The following RHOBTB1 variants were observed in gnomAD, a reference collection of about 807,000 sequenced individuals.
The protein encoded by RHOBTB1 is Rho related BTB domain containing 1.
RHOBTB1 carries 40 observed loss-of-function variants against 71.6 expected under a neutral mutation model. The observed-to-expected ratio is 0.56, with a 90% confidence interval of 0.43 to 0.73. RHOBTB1 has a LOEUF of 0.73. Ranked by LOEUF, RHOBTB1 falls within the 30% of genes least tolerant of loss-of-function variation. The pLI is 0.00. For synonymous variants in RHOBTB1, 319 were observed against 334.9 expected (o/e 0.95, Z 0.52); for missense variants, 797 against 894.0 (o/e 0.89, Z 1.38).
chr10:60,916,138 C>T (rs1294533219), intron 2 of RHOBTB1, among the ~76,000 whole-genome samples: 2 of 152,130 alleles, frequency 1.3e-5, no homozygotes, highest in South Asian at 4.1e-4. Context: ...ACTGCTTCGC[C>T]CAAAAGAATG....
chr10:60,970,719 T>A (rs1031632871), intron 2 of RHOBTB1, among the ~76,000 whole-genome samples: 1 of 151,458 alleles, frequency 6.6e-6, no homozygotes, highest in Admixed American at 6.6e-5. Flanking sequence ...CTTACATAGC[T>A]TTTTTTTTCT....
chr10:60,882,829 T>C (rs2081386789), intron 7 of RHOBTB1, among the ~76,000 whole-genome samples: 1 of 152,200 alleles, frequency 6.6e-6, no homozygotes, highest in Admixed American at 6.5e-5. Flanking sequence ...AACTTAGAGC[T>C]TTCCGGGGAC....
chr10:60,901,323 T>C (rs147122180), intron 4 of RHOBTB1, among the ~76,000 whole-genome samples: 26 of 152,364 alleles, frequency 1.7e-4, no homozygotes, highest in African/African-American at 5.3e-4. Flanking sequence ...ACTGGTAGAA[T>C]TGTTGTTAAG....
At chr10:60,954,688 A>G (rs1228537033) in intron 2 of RHOBTB1, among the ~76,000 whole-genome samples, 1 of 152,220 alleles carries the variant, frequency 6.6e-6, no homozygotes, top group Non-Finnish European at 1.5e-5. Context: ...AAAGAGGAGA[A>G]AAATTGGATG....
chr10:60,985,129 C>G (rs1460169904), intron 2 of RHOBTB1, among the ~76,000 whole-genome samples: 3 of 152,162 alleles, frequency 2.0e-5, no homozygotes, highest in African/African-American at 7.2e-5. Context: ...CAGCTACACA[C>G]AGAGAGTTTT....
intron 1 of RHOBTB1, among the ~76,000 whole-genome samples, chr10:60,987,426 A>G (rs2086703252): frequency 6.6e-6 from 1 of 152,084 alleles, no homozygotes; most frequent in Non-Finnish European, 1.5e-5. Context: ...CCCTGGTTCA[A>G]CACTTGGCAT....
chr10:60,943,237 A>T (rs895063203), intron 1 of RHOBTB1, among the ~76,000 whole-genome samples: 6 of 152,142 alleles, frequency 3.9e-5, no homozygotes, highest in African/African-American at 1.4e-4. Flanking sequence ...ATCGCTCCTC[A>T]GTTGAGATGT....
chr10:60,958,932 T>C (rs2085687949), intron 2 of RHOBTB1, among the ~76,000 whole-genome samples: 2 of 152,134 alleles, frequency 1.3e-5, no homozygotes, highest in South Asian at 4.1e-4. Flanking sequence ...AAAGACTTCA[T>C]TTTTGTAATT....
At chr10:60,976,522 G>T (rs1003716947) in intron 2 of RHOBTB1, among the ~76,000 whole-genome samples, 2 of 151,870 alleles carry the variant, frequency 1.3e-5, no homozygotes, top group Admixed American at 6.6e-5. Flanking sequence ...CAGTCTTTAT[G>T]CAAGAAGTCT....
chr10:60,962,500 G>A (rs1306757639), intron 2 of RHOBTB1, among the ~76,000 whole-genome samples: 2 of 152,112 alleles, frequency 1.3e-5, no homozygotes, highest in Admixed American at 1.3e-4. Flanking sequence ...TATGTATAAA[G>A]TATGCTCTTT....
chr10:60,920,112 G>T (rs535959014), intron 2 of RHOBTB1, among the ~76,000 whole-genome samples: 2 of 152,112 alleles, frequency 1.3e-5, no homozygotes, highest in Admixed American at 1.3e-4. Context: ...CTGCACAAAG[G>T]CCCTTTCCTC....
intron 4 of RHOBTB1, among the ~76,000 whole-genome samples, chr10:60,899,143 T>C (rs975184291): frequency 6.6e-6 from 1 of 152,206 alleles, no homozygotes; most frequent in Non-Finnish European, 1.5e-5. Context: ...CGTTAGTTTA[T>C]TCTTACACCT....
intron 1 of RHOBTB1, among the ~76,000 whole-genome samples, chr10:60,996,278 C>T (rs1451805875): frequency 1.3e-5 from 2 of 152,080 alleles, no homozygotes; most frequent in Non-Finnish European, 2.9e-5. Flanking sequence ...GTCCACAATC[C>T]AGTTCTTTTT....
intron 4 of RHOBTB1, among the ~76,000 whole-genome samples, chr10:60,908,941 G>T (rs2082822187): frequency 4.6e-5 from 7 of 152,212 alleles, no homozygotes; most frequent in Admixed American, 4.6e-4. Flanking sequence ...AATCAAACTT[G>T]GCTTGGGGGA....
At chr10:60,897,819 G>C (rs1334482820) in intron 4 of RHOBTB1, among the ~76,000 whole-genome samples, 1 of 152,128 alleles carries the variant, frequency 6.6e-6, no homozygotes, top group Non-Finnish European at 1.5e-5. Flanking sequence ...CAACTCTCCT[G>C]CCTCAGCCTC....
chr10:60,960,221 T>A (rs2085731513), intron 2 of RHOBTB1, among the ~76,000 whole-genome samples: 1 of 152,216 alleles, frequency 6.6e-6, no homozygotes, highest in Non-Finnish European at 1.5e-5. Context: ...TGATGACATT[T>A]CTTATACTCT....
chr10:60,902,716 A>G (rs992400458), intron 4 of RHOBTB1, among the ~76,000 whole-genome samples: 41 of 152,188 alleles, frequency 2.7e-4, no homozygotes, highest in African/African-American at 8.9e-4. Flanking sequence ...AGTATTTTCC[A>G]TCTTCATCAC....
chr10:60,939,205 A>T (rs1282986835), intron 2 of RHOBTB1, among the ~76,000 whole-genome samples: 1 of 152,158 alleles, frequency 6.6e-6, no homozygotes, highest in African/African-American at 2.4e-5. Flanking sequence ...TTGATGACAG[A>T]GCTCAAGAAA....
intron 2 of RHOBTB1, chr10:60,912,787 C>T (rs1034675084): frequency 1.3e-5 from 2 of 152,154 alleles, no homozygotes; most frequent in African/African-American, 2.4e-5. Flanking sequence ...AGGCTGCTTA[C>T]CAGTAGCAGC....
Sources: gnomAD v4.1 joint callset for allele counts (sites outside exome capture counted in the v4.1 genomes callset) on GRCh38, gnomAD v4.1.1 for gene constraint, MANE v1.5 for transcripts, NCBI Gene and HGNC (gene_info 2026-07-23, HGNC 2026-07-21) for gene names.